The following QKI variants were observed in gnomAD, a reference collection of about 807,000 sequenced individuals.
The protein encoded by QKI is QKI, KH domain containing RNA binding.
Under a neutral mutation model 39.0 loss-of-function variants are expected in QKI, and 10 were observed. The ratio of observed to expected loss-of-function variants is 0.26; its 90% confidence interval spans 0.16 to 0.43. The LOEUF is 0.43. Among genes scored for constraint, QKI ranks in the 20% least tolerant of loss-of-function variants. The pLI is 1.00. For missense variants in QKI, 218 were observed against 428.0 expected (o/e 0.51, Z 4.33); for synonymous variants, 204 against 155.4 (o/e 1.31, Z -2.33).
At chr6:163,419,743 A>G (rs80321555) in intron 1 of QKI, among the ~76,000 whole-genome samples, 4,250 of 152,282 alleles carry the variant, frequency 0.028, 194 homozygotes, top group African/African-American at 0.096. Flanking sequence ...TCCAGTTTAC[A>G]TGTTTTGTAG....
chr6:163,445,239 G>A (rs920025365), intron 1 of QKI, among the ~76,000 whole-genome samples: 1 of 151,800 alleles, frequency 6.6e-6, no homozygotes, highest in African/African-American at 2.4e-5. Context: ...TATTGATACA[G>A]TGCTATCACT....
intron 3 of QKI, among the ~76,000 whole-genome samples, chr6:163,514,488 T>C (rs1180960892): frequency 1.3e-5 from 2 of 152,130 alleles, no homozygotes; most frequent in African/African-American, 2.4e-5. Flanking sequence ...GATAGTAAAA[T>C]TGCCCATTGG....
At chr6:163,534,864 C>T in intron 3 of QKI, 118 bp from the exon 4 acceptor site, 1 of 811,818 alleles carries the variant, frequency 1.2e-6, no homozygotes, top group South Asian at 3.4e-5. Context: ...AGACTTGTGC[C>T]ATCATAGCAA....
chr6:163,508,461 G>A (rs143401504), intron 3 of QKI, among the ~76,000 whole-genome samples: 1 of 151,746 alleles, frequency 6.6e-6, no homozygotes, highest in African/African-American at 2.4e-5. Flanking sequence ...ATCAGAACAT[G>A]GTAGAGAGCC....
intron 5 of QKI, among the ~76,000 whole-genome samples, chr6:163,563,063 A>G (rs1783129453): frequency 6.6e-6 from 1 of 152,226 alleles, no homozygotes; most frequent in Non-Finnish European, 1.5e-5. Context: ...GTTACAAATT[A>G]TTTTTTAACA....
Position 163,575,922 on chromosome 6 carries a change from T to G in QKI, c.*5212T>G, listed in dbSNP as rs1783952896. ...TTTGACCAGGATGTGATGCCTGTCT[T>G]TATTCCTTGATAAGAAGTAGCTGTT... is the stretch of plus-strand genomic sequence containing the variant. On this transcript the variant is annotated 3_prime_UTR_variant, in exon 8 of 8. Transcript: ENST00000361752. 1 of 152,132 alleles carries G rather than the reference T, an allele frequency of 6.6e-6. No individual in the cohort carries two copies. The highest frequency in any genetic ancestry group is 1.5e-5 in the Non-Finnish European group (1 of 68,022). The allele number at this position is 152,132 out of a possible 1,614,324, so 9.4% of individuals were successfully genotyped here.
intron 3 of QKI, among the ~76,000 whole-genome samples, chr6:163,489,885 A>G (rs887463468): frequency 2.6e-5 from 4 of 152,152 alleles, no homozygotes; most frequent in African/African-American, 9.7e-5. Context: ...CTTAGTTGAG[A>G]AAGGTGTACC....
At chr6:163,490,192 C>T (rs1777966105) in intron 3 of QKI, among the ~76,000 whole-genome samples, 1 of 152,158 alleles carries the variant, frequency 6.6e-6, no homozygotes, top group African/African-American at 2.4e-5. Flanking sequence ...CTTATTAAGT[C>T]ATCGAGTCTA....
chr6:163,425,494 T>C (rs1248328657), intron 1 of QKI, among the ~76,000 whole-genome samples: 1 of 152,244 alleles, frequency 6.6e-6, no homozygotes, highest in African/African-American at 2.4e-5. Context: ...ACTGAGAATG[T>C]ATACAATATA....
At chr6:163,472,074 TA>T (rs555307924) in intron 2 of QKI, among the ~76,000 whole-genome samples, 2 of 152,070 alleles carry the variant, frequency 1.3e-5, no homozygotes, top group Admixed American at 1.3e-4. Flanking sequence ...CCCTTTGCGG[TA>T]AAAAATCCAC....
intron 3 of QKI, among the ~76,000 whole-genome samples, chr6:163,488,720 A>G (rs76942497): frequency 0.028 from 4,236 of 152,258 alleles, 192 homozygotes; most frequent in African/African-American, 0.096. Flanking sequence ...AATTTTTACT[A>G]TGTAACAGTT....
At chr6:163,434,225 G>A (rs1016139645) in intron 1 of QKI, among the ~76,000 whole-genome samples, 1 of 152,130 alleles carries the variant, frequency 6.6e-6, no homozygotes, top group African/African-American at 2.4e-5. Context: ...GGCATGCCCA[G>A]CCTGAGATGG....
intron 4 of QKI, among the ~76,000 whole-genome samples, chr6:163,552,412 G>A (rs746283062): frequency 5.9e-5 from 9 of 151,982 alleles, no homozygotes; most frequent in African/African-American, 1.4e-4. Context: ...GGGTTTCACC[G>A]TGTTAGCCAG....
At chr6:163,470,969 A>C (rs1792134650) in intron 2 of QKI, among the ~76,000 whole-genome samples, 1 of 152,120 alleles carries the variant, frequency 6.6e-6, no homozygotes, top group African/African-American at 2.4e-5. Flanking sequence ...GTTTGAGGGA[A>C]GTGTGTTTCA....
At position 163,510,496 on chromosome 6, in the gene QKI, G is replaced by A. The variant is rs1039286396; in HGVS notation, c.403-24486G>A. On this transcript the variant is annotated intron_variant, in intron 3 of 7. Coordinates refer to ENST00000361752, the MANE Select transcript of QKI (RefSeq NM_006775.3). ...GAATTGCTTCAACTCGGGAGGTGTG[G>A]GTTGCAGTGAGCCAAGATTGTGCCA... is the stretch of plus-strand genomic sequence containing the variant. Among the ~76,000 whole-genome samples the A allele has an allele frequency of 4.6e-5, 7 of 152,004 alleles. No homozygotes were observed. The South Asian group carries it at 1.5e-3, about 32-fold the overall frequency.
chr6:163,527,710 A>G (rs1200894728), intron 3 of QKI, among the ~76,000 whole-genome samples: 1 of 151,826 alleles, frequency 6.6e-6, no homozygotes, highest in Non-Finnish European at 1.5e-5. Flanking sequence ...TGTTGAGATT[A>G]TTTTTTTACT....
intron 1 of QKI, among the ~76,000 whole-genome samples, chr6:163,421,683 A>G (rs1788004610): frequency 6.6e-6 from 1 of 151,972 alleles, no homozygotes; most frequent in African/African-American, 2.4e-5. Context: ...AAACAGTGCC[A>G]TTACTTAGAA....
rs577725824 is a variant in QKI, at chr6:163,503,791, G to A, written c.402+24895G>A. Among the ~76,000 whole-genome samples the A allele has an allele frequency of 2.6e-5, 4 of 152,122 alleles. No homozygotes were observed. The South Asian group carries it at 8.3e-4, about 32-fold the overall frequency. ...GTCTTGCTCTGTCACTCAGGCTGGA[G>A]TGCAGTGGCTCGATCTTGGCTCACT... On this transcript the variant is annotated intron_variant, in intron 3 of 7. Coordinates refer to ENST00000361752, the MANE Select transcript of QKI (RefSeq NM_006775.3).
chr6:163,521,824 A>AT (rs369465556), intron 3 of QKI, among the ~76,000 whole-genome samples: 1 of 152,052 alleles, frequency 6.6e-6, no homozygotes, highest in African/African-American at 2.4e-5. Context: ...CCAGGCCTGT[A>AT]TTTTTTAACC....
Sources: gnomAD v4.1 joint callset for allele counts (sites outside exome capture counted in the v4.1 genomes callset) on GRCh38, gnomAD v4.1.1 for gene constraint, MANE v1.5 for transcripts, NCBI Gene and HGNC (gene_info 2026-07-23, HGNC 2026-07-21) for gene names.